Variants in LRP6 observed in about 807,000 individuals in gnomAD.
LRP6 encodes LDL receptor related protein 6.
LRP6 carries 43 observed loss-of-function variants against 184.1 expected under a neutral mutation model. The ratio of observed to expected loss-of-function variants is 0.23; its 90% CI spans 0.18 to 0.30. The LOEUF is 0.30. Among genes scored for constraint, LRP6 ranks in the 10% least tolerant of loss-of-function variants. The pLI is 1.00. For synonymous variants in LRP6, 719 were observed against 684.9 expected (o/e 1.05, Z -0.78); for missense variants, 1,571 against 2,005.3 (o/e 0.78, Z 4.14).
chr12:12,246,738 A>G (rs1206805309), intron 1 of LRP6, among the ~76,000 whole-genome samples: 2 of 152,094 alleles, frequency 1.3e-5, no homozygotes, highest in African/African-American at 4.8e-5. Context: ...ATTACTTACT[A>G]AGGGTCTACA....
intron 1 of LRP6, among the ~76,000 whole-genome samples, chr12:12,265,204 C>T (rs1054267803): frequency 2.0e-5 from 3 of 151,082 alleles, no homozygotes; most frequent in Admixed American, 2.0e-4. Context: ...TAGAGTATGC[C>T]AATAATAAAA....
chr12:12,266,474 G>C (rs1433608993), intron 1 of LRP6, among the ~76,000 whole-genome samples: 2 of 152,112 alleles, frequency 1.3e-5, no homozygotes, highest in Non-Finnish European at 2.9e-5. Flanking sequence ...GGAAGGTCTG[G>C]GAAGCCAGGC....
At chr12:12,265,878 T>A (rs982146647) in intron 1 of LRP6, among the ~76,000 whole-genome samples, 1 of 152,090 alleles carries the variant, frequency 6.6e-6, no homozygotes, top group African/African-American at 2.4e-5. Flanking sequence ...TCGAACAGCC[T>A]ATGCAATTTA....
intron 2 of LRP6, among the ~76,000 whole-genome samples, chr12:12,218,915 G>A (rs1864417261): frequency 6.6e-6 from 1 of 152,142 alleles, no homozygotes; most frequent in Non-Finnish European, 1.5e-5. Context: ...CACTGCTAGT[G>A]GAAATATAAA....
chr12:12,168,545 G>C (rs1443554088), intron 7 of LRP6, among the ~76,000 whole-genome samples: 4 of 152,262 alleles, frequency 2.6e-5, no homozygotes, highest in Admixed American at 2.6e-4. Flanking sequence ...TTAAATTCCA[G>C]GATAAGGAGA....
chr12:12,139,059 A>C (rs1018382200), intron 15 of LRP6: 1 of 1,235,284 alleles, frequency 8.1e-7, no homozygotes, highest in Non-Finnish European at 1.0e-6. Context: ...TTGCACAGTG[A>C]GAAAGTTCTT....
In LRP6 at chr12:12,235,750, A is replaced by G. The variant is rs535316738; in HGVS notation, c.449+8512T>C. Among the ~76,000 whole-genome samples the G allele has an allele frequency of 9.2e-5, 14 of 152,078 alleles. No individual in the cohort carries two copies. The South Asian group carries it at 2.9e-3, about 32-fold the overall frequency. ...CGGCTCAAAAAAAAAAAGAAAAAGA[A>G]AAAAGAAAATCCAGTAGCAAAGAGC... On this transcript the variant is annotated intron_variant, in intron 2 of 22. Coordinates refer to ENST00000261349, the MANE Select transcript of LRP6 (RefSeq NM_002336.3).
intron 3 of LRP6, 120 bp downstream of exon 3, chr12:12,203,080 ATTC>A (rs747734909): frequency 2.1e-5 from 14 of 656,454 alleles, no homozygotes; most frequent in Non-Finnish European, 3.6e-5. Flanking sequence ...CTAAAAGACT[ATTC>A]TTCTTCCCCT....
intron 2 of LRP6, among the ~76,000 whole-genome samples, chr12:12,242,705 T>C (rs1865097116): frequency 6.6e-6 from 1 of 152,250 alleles, no homozygotes; most frequent in African/African-American, 2.4e-5. Context: ...CACTACAATA[T>C]TTCCTGGTGC....
At chr12:12,159,430 G>A (rs1862687557) in intron 11 of LRP6, among the ~76,000 whole-genome samples, 1 of 151,870 alleles carries the variant, frequency 6.6e-6, no homozygotes, top group Non-Finnish European at 1.5e-5. Context: ...CTTTAAATGT[G>A]GTTTTATTTT....
intron 5 of LRP6, among the ~76,000 whole-genome samples, chr12:12,183,709 A>G (rs1261275542): frequency 6.6e-6 from 1 of 152,246 alleles, no homozygotes; most frequent in Non-Finnish European, 1.5e-5. Flanking sequence ...ATCAACTGTG[A>G]TATCAATGAC....
intron 3 of LRP6, among the ~76,000 whole-genome samples, chr12:12,195,704 T>A (rs1168720737): frequency 6.6e-6 from 1 of 152,118 alleles, no homozygotes; most frequent in African/African-American, 2.4e-5. Context: ...ATATAATGCA[T>A]CTGGTATTTT....
chr12:12,243,802 G>A (rs1461267313), intron 2 of LRP6, among the ~76,000 whole-genome samples: 3 of 152,174 alleles, frequency 2.0e-5, no homozygotes, highest in Non-Finnish European at 2.9e-5. Context: ...TCAGGCTGGA[G>A]TGCAGTGGTG....
At chr12:12,238,640 C>T (rs143636534) in intron 2 of LRP6, among the ~76,000 whole-genome samples, 32 of 152,174 alleles carry the variant, frequency 2.1e-4, no homozygotes, top group African/African-American at 5.3e-4. Flanking sequence ...TAACTAATCA[C>T]GTAGAATTCT....
chr12:12,171,356 A>AAC (rs953980857), intron 7 of LRP6, among the ~76,000 whole-genome samples: 7 of 151,868 alleles, frequency 4.6e-5, no homozygotes, highest in African/African-American at 9.7e-5. Context: ...CTCTACTAAA[A>AAC]ACACACACAC....
intron 7 of LRP6, among the ~76,000 whole-genome samples, chr12:12,172,363 A>G (rs368797331): frequency 4.6e-5 from 7 of 152,344 alleles, no homozygotes; most frequent in African/African-American, 1.7e-4. Flanking sequence ...TACAGACATC[A>G]CATCCAGTTT....
At chr12:12,264,231 T>C (rs963942895) in intron 1 of LRP6, among the ~76,000 whole-genome samples, 2 of 152,060 alleles carry the variant, frequency 1.3e-5, no homozygotes, top group Non-Finnish European at 2.9e-5. Flanking sequence ...GCAAAAATTA[T>C]AGCAAAAAGT....
chr12:12,235,449 G>C (rs1018050226), intron 2 of LRP6, among the ~76,000 whole-genome samples: 1 of 152,122 alleles, frequency 6.6e-6, no homozygotes, highest in East Asian at 1.9e-4. Context: ...AGAAAATACA[G>C]CCGGGAGCAG....
chr12:12,169,889 C>A (rs922806800), intron 7 of LRP6, among the ~76,000 whole-genome samples: 1 of 152,090 alleles, frequency 6.6e-6, no homozygotes, highest in Non-Finnish European at 1.5e-5. Flanking sequence ...CACACTGTTT[C>A]CTTTAATTCC....
Sources: gnomAD v4.1 joint callset for allele counts (sites outside exome capture counted in the v4.1 genomes callset) on GRCh38, gnomAD v4.1.1 for gene constraint, MANE v1.5 for transcripts, NCBI Gene and HGNC (gene_info 2026-07-23, HGNC 2026-07-21) for gene names.